SMIM31: variants seen among roughly 807,000 people sequenced by gnomAD.
SMIM31 encodes the protein small integral membrane protein 31, also known as human epithelial cell program regulator.
At chr4:164,786,634 C>T (rs1733028519) in intron 2 of SMIM31, among the ~76,000 whole-genome samples, 1 of 152,212 alleles carries the variant, frequency 6.6e-6, no homozygotes, top group African/African-American at 2.4e-5. Context: ...TTTATTCACA[C>T]TTCAGCTACT....
intron 2 of SMIM31, among the ~76,000 whole-genome samples, chr4:164,798,039 T>G (rs1275456253): frequency 6.6e-6 from 1 of 152,118 alleles, no homozygotes; most frequent in African/African-American, 2.4e-5. Flanking sequence ...TCCAGTTCCA[T>G]CCATGTTGCT....
chr4:164,777,707 G>A (rs560818248), intron 2 of SMIM31, among the ~76,000 whole-genome samples: 1 of 152,290 alleles, frequency 6.6e-6, no homozygotes, highest in East Asian at 1.9e-4. Context: ...GCATCCCCAT[G>A]CCAGACACTC....
intron 2 of SMIM31, among the ~76,000 whole-genome samples, chr4:164,788,808 G>A (rs1460521059): frequency 6.6e-6 from 1 of 151,966 alleles, no homozygotes; most frequent in Non-Finnish European, 1.5e-5. Context: ...TTTTTTAAGA[G>A]CACTTTTTGA....
At chr4:164,758,622 C>CTT (rs779023276) in intron 1 of SMIM31, among the ~76,000 whole-genome samples, 5,124 of 104,572 alleles carry the variant, frequency 0.049, 521 homozygotes, top group Non-Finnish European at 0.075. Flanking sequence ...TGTAGTTTTC[C>CTT]TTTTTTTGTT....
At chr4:164,795,976 C>T (rs939617907) in intron 2 of SMIM31, among the ~76,000 whole-genome samples, 1 of 152,186 alleles carries the variant, frequency 6.6e-6, no homozygotes, top group Admixed American at 6.5e-5. Flanking sequence ...TCCTTGCTGA[C>T]ATCCTCAAAA....
chr4:164,776,614 A>G (rs1348410386), intron 2 of SMIM31, among the ~76,000 whole-genome samples: 1 of 152,226 alleles, frequency 6.6e-6, no homozygotes, highest in Non-Finnish European at 1.5e-5. Flanking sequence ...TTTAAAGATA[A>G]TAAGAAATCA....
At chr4:164,782,691 C>T (rs948431548) in intron 2 of SMIM31, among the ~76,000 whole-genome samples, 68 of 151,844 alleles carry the variant, frequency 4.5e-4, no homozygotes, top group African/African-American at 1.6e-3. Flanking sequence ...AAGAATGCTA[C>T]TTAATTCAGC....
intron 2 of SMIM31, among the ~76,000 whole-genome samples, chr4:164,790,626 A>G (rs889029107): frequency 9.9e-5 from 15 of 152,052 alleles, no homozygotes; most frequent in African/African-American, 3.6e-4. Flanking sequence ...GGACAAAAAA[A>G]TAAAATAAAG....
chr4:164,769,856 G>C (rs1247534687), intron 1 of SMIM31, among the ~76,000 whole-genome samples: 1 of 152,062 alleles, frequency 6.6e-6, no homozygotes, highest in Non-Finnish European at 1.5e-5. Flanking sequence ...TTGGTTAGTT[G>C]GTTAGTCGAG....
intron 2 of SMIM31, among the ~76,000 whole-genome samples, chr4:164,800,835 C>G (rs1419792817): frequency 6.6e-6 from 1 of 152,142 alleles, no homozygotes; most frequent in African/African-American, 2.4e-5. Flanking sequence ...TCACACCTTA[C>G]AAAAGATGTC....
intron 1 of SMIM31, among the ~76,000 whole-genome samples, chr4:164,761,702 A>G (rs976761517): frequency 1.1e-4 from 17 of 151,782 alleles, no homozygotes; most frequent in Non-Finnish European, 4.4e-5. Flanking sequence ...GTGTCTCACG[A>G]GGTCAGGAGT....
At chr4:164,760,764 TA>T (rs1732636821) in intron 1 of SMIM31, among the ~76,000 whole-genome samples, 1 of 130,298 alleles carries the variant, frequency 7.7e-6, no homozygotes, top group Non-Finnish European at 1.6e-5. Context: ...AAAAAAAAGA[TA>T]AAGCCAATAG....
chr4:164,782,224 A>T lies in SMIM31; in HGVS notation c.112+11669A>T, dbSNP rs180977907. ...AGAATCGCTTGAACCTGGAAGGCAG[A>T]GGTTGCAGTGAGCCGAGACCGCGCC... On this transcript the variant is annotated intron_variant, in intron 2 of 2. Transcript: ENST00000507311. 3.0e-4 allele frequency among the ~76,000 whole-genome samples: 45 copies of T among 151,604 alleles called. No homozygotes were observed. The East Asian group carries it at 8.2e-3, about 28-fold the overall frequency.
chr4:164,756,980 T>C (rs963184240), intron 1 of SMIM31, among the ~76,000 whole-genome samples: 3 of 152,200 alleles, frequency 2.0e-5, no homozygotes, highest in African/African-American at 7.2e-5. Flanking sequence ...TATAGTTTAT[T>C]TTATAAAAGA....
At chr4:164,767,059 G>A (rs1732729686) in intron 1 of SMIM31, among the ~76,000 whole-genome samples, 1 of 152,184 alleles carries the variant, frequency 6.6e-6, no homozygotes, top group African/African-American at 2.4e-5. Context: ...GCTACCATCA[G>A]ACGGGATGTG....
intron 2 of SMIM31, among the ~76,000 whole-genome samples, chr4:164,788,872 A>T (rs935820641): frequency 6.6e-6 from 1 of 152,056 alleles, no homozygotes; most frequent in African/African-American, 2.4e-5. Context: ...AATTTTAAAC[A>T]TTTTCAAATG....
chr4:164,775,778 A>G (rs2110939238), intron 2 of SMIM31, among the ~76,000 whole-genome samples: 1 of 152,328 alleles, frequency 6.6e-6, no homozygotes, highest in South Asian at 2.1e-4. Flanking sequence ...CTAGAAAAGA[A>G]TCTCATTAGG....
intron 1 of SMIM31, among the ~76,000 whole-genome samples, chr4:164,766,505 A>G: frequency 6.8e-6 from 1 of 146,484 alleles, no homozygotes; most frequent in Non-Finnish European, 1.5e-5. Context: ...ACAAACAATA[A>G]CAAAAAAATG....
At chr4:164,766,903 G>T (rs187720689) in intron 1 of SMIM31, among the ~76,000 whole-genome samples, 2 of 152,276 alleles carry the variant, frequency 1.3e-5, no homozygotes, top group East Asian at 1.9e-4. Context: ...CTGTGGGGAG[G>T]TGGTGCTTGA....
Sources: allele counts gnomAD v4.1 joint callset (sites outside exome capture counted in the v4.1 genomes callset), GRCh38; gene constraint gnomAD v4.1.1; transcripts MANE v1.5; gene names NCBI Gene and HGNC (gene_info 2026-07-23, HGNC 2026-07-21).